Variants in SCN8A observed in about 807,000 individuals in gnomAD.
SCN8A encodes the protein sodium channel protein type 8 subunit alpha.
In SCN8A, 30 loss-of-function variants were observed where a neutral mutation model predicts 184.1. The ratio of observed to expected loss-of-function variants is 0.16; its 90% CI spans 0.12 to 0.22. The LOEUF is 0.22. Ranked by LOEUF, SCN8A falls within the 10% of genes least tolerant of loss-of-function variation. The pLI, the probability that SCN8A is intolerant of heterozygous loss-of-function variation, is 1.00. For missense variants in SCN8A, 1,057 were observed against 2,498.9 expected, an observed-to-expected ratio of 0.42 and a Z score of 12.30; for synonymous variants, 852 against 907.0, an observed-to-expected ratio of 0.94 and a Z score of 1.09.
At chr12:51,804,415 C>T (rs1938637720) in intron 26 of SCN8A, among the ~76,000 whole-genome samples, 1 of 151,280 alleles carries the variant, frequency 6.6e-6, no homozygotes, top group Non-Finnish European at 1.5e-5. Context: ...GCCTCCCAGG[C>T]TCACGCAATT....
chr12:51,597,424 A>G (rs1378984696), intron 1 of SCN8A, among the ~76,000 whole-genome samples: 1 of 152,142 alleles, frequency 6.6e-6, no homozygotes, highest in African/African-American at 2.4e-5. Flanking sequence ...TAAGAATGCT[A>G]GAGAAATAGT....
Position 51,807,900 on chromosome 12 carries a change from T to C in SCN8A, c.*471T>C, listed in dbSNP as rs530373717. On this transcript the variant is annotated 3_prime_UTR_variant, in exon 27 of 27. Transcript: ENST00000627620. This position sits in a 1 kb window ranked among gnomAD's most constrained non-coding sequence, Gnocchi z 4.5. ...GCAAAAAGAAAACACACACACACAC[T>C]CACATTTAGCCCATGTCATTTAATT... is the stretch of plus-strand genomic sequence containing the variant. 3.4e-4 allele frequency: 63 copies of C among 187,110 alleles called. No homozygotes were observed. The highest frequency in any genetic ancestry group is 6.9e-4 in the Non-Finnish European group (61 of 88,858). 11.6% of individuals were successfully genotyped at this position (187,110 alleles called of 1,614,324 possible).
chr12:51,624,883 T>C (rs1276489749), intron 1 of SCN8A, among the ~76,000 whole-genome samples: 1 of 152,192 alleles, frequency 6.6e-6, no homozygotes, highest in East Asian at 1.9e-4. Context: ...CTTTCCCCAT[T>C]TCTTGTTCAA....
At chr12:51,754,323 CTTT>C (rs35536426) in intron 14 of SCN8A, among the ~76,000 whole-genome samples, 51 of 144,420 alleles carry the variant, frequency 3.5e-4, no homozygotes, top group Admixed American at 4.1e-4. Flanking sequence ...CAAAAAACTT[CTTT>C]TTTTTTTTTT....
intron 11 of SCN8A, among the ~76,000 whole-genome samples, chr12:51,720,496 A>G (rs1036612905): frequency 6.6e-5 from 10 of 150,918 alleles, no homozygotes; most frequent in African/African-American, 2.4e-4. Flanking sequence ...AGGAGAAATA[A>G]CTAATGTAAA....
chr12:51,639,564 G>A (rs983140466), intron 1 of SCN8A, among the ~76,000 whole-genome samples: 1 of 151,642 alleles, frequency 6.6e-6, no homozygotes, highest in Admixed American at 6.6e-5. Flanking sequence ...ATGGCTGCGC[G>A]CCACAGCGTG....
intron 1 of SCN8A, among the ~76,000 whole-genome samples, chr12:51,594,191 A>G (rs1939294609): frequency 6.6e-6 from 1 of 152,240 alleles, no homozygotes; most frequent in Admixed American, 6.5e-5. Context: ...CTTTGAATAC[A>G]TCCGTTGGTA....
At chr12:51,793,464 A>G (rs1287480197) in intron 25 of SCN8A, among the ~76,000 whole-genome samples, 2 of 152,174 alleles carry the variant, frequency 1.3e-5, no homozygotes, top group South Asian at 2.1e-4. Flanking sequence ...CAAGAAAGCA[A>G]CTCAGGATCA....
At chr12:51,666,732 AC>A (rs1941040827) in intron 2 of SCN8A, among the ~76,000 whole-genome samples, 1 of 151,764 alleles carries the variant, frequency 6.6e-6, no homozygotes, top group Non-Finnish European at 1.5e-5. Context: ...GTAAGAGAGA[AC>A]TCGTTTTCTA....
At chr12:51,774,593 G>T (rs1379628254) in intron 20 of SCN8A, among the ~76,000 whole-genome samples, 1 of 152,164 alleles carries the variant, frequency 6.6e-6, no homozygotes, top group African/African-American at 2.4e-5. Context: ...TTAGTCTGGT[G>T]GGTTTGGCTT....
chr12:51,804,399 A>G (rs895166888), intron 26 of SCN8A, among the ~76,000 whole-genome samples: 2 of 150,012 alleles, frequency 1.3e-5, no homozygotes, highest in Non-Finnish European at 3.0e-5. Flanking sequence ...GCTCACTGCA[A>G]CCTCTGCCTC....
At chr12:51,591,762 G>T (rs994085436) in intron 1 of SCN8A, among the ~76,000 whole-genome samples, 2 of 152,028 alleles carry the variant, frequency 1.3e-5, no homozygotes, top group South Asian at 2.1e-4. Context: ...CAGCGCTGTC[G>T]GGATCTTCCT....
intron 1 of SCN8A, among the ~76,000 whole-genome samples, chr12:51,603,640 G>C (rs187022358): frequency 6.6e-6 from 1 of 152,070 alleles, no homozygotes; most frequent in African/African-American, 2.4e-5. Context: ...GTACCATTTC[G>C]CATTCCCAAC....
intron 15 of SCN8A, 120 bp downstream of exon 15, chr12:51,762,796 C>T: frequency 1.1e-6 from 1 of 916,320 alleles, no homozygotes; most frequent in Non-Finnish European, 1.5e-6. Flanking sequence ...CTCCCAATTC[C>T]AGTTATTTGG....
At chr12:51,744,208 T>C (rs1259471139) in intron 12 of SCN8A, among the ~76,000 whole-genome samples, 1 of 151,894 alleles carries the variant, frequency 6.6e-6, no homozygotes, top group Non-Finnish European at 1.5e-5. Context: ...GAGGCTGAGG[T>C]GGGAAAATTG....
chr12:51,703,015 G>C (rs1941717997), intron 9 of SCN8A, 101 bp downstream of exon 9: 3 of 1,116,622 alleles, frequency 2.7e-6, no homozygotes, highest in Non-Finnish European at 3.7e-6. Flanking sequence ...CATTATACAA[G>C]ATCTAACTGT....
chr12:51,692,754 C>T (rs1416334909), intron 6 of SCN8A, among the ~76,000 whole-genome samples: 1 of 152,212 alleles, frequency 6.6e-6, no homozygotes, highest in Non-Finnish European at 1.5e-5. Flanking sequence ...CCTCTGCATG[C>T]TTTGATCATG....
At chr12:51,721,500 C>G in intron 11 of SCN8A, 46 bp from the exon 12 acceptor site, 3 of 1,531,566 alleles carry the variant, frequency 2.0e-6, no homozygotes, top group Non-Finnish European at 1.8e-6. Flanking sequence ...TCCACACTCC[C>G]GTCTCATTTC....
chr12:51,591,733 C>G (rs150216272), intron 1 of SCN8A, among the ~76,000 whole-genome samples: 115 of 152,250 alleles, frequency 7.6e-4, no homozygotes, highest in African/African-American at 2.5e-3. Context: ...GGCCCCTAGC[C>G]GGCTTGCACT....
Sources: gnomAD v4.1 joint callset for allele counts (sites outside exome capture counted in the v4.1 genomes callset) on GRCh38, gnomAD v4.1.1 for gene constraint, Gnocchi (gnomAD v3.1) non-coding constraint, MANE v1.5 for transcripts, NCBI Gene and HGNC (gene_info 2026-07-23, HGNC 2026-07-21) for gene names.